Variants in ARL8A observed in about 807,000 individuals in gnomAD.
ARL8A encodes the protein ADP-ribosylation factor-like protein 8A.
In ARL8A, 10 loss-of-function variants were observed where a neutral mutation model predicts 31.2. The ratio of observed to expected loss-of-function variants is 0.32; its 90% CI spans 0.20 to 0.54. The LOEUF (loss-of-function observed/expected upper bound fraction) is 0.54, where lower values mean the gene tolerates loss of function less well. ARL8A is among the 20% of genes least tolerant of loss of function. ARL8A has a pLI of 0.93. For synonymous variants in ARL8A, 70 were observed against 86.9 expected (o/e 0.81, Z 1.08); for missense variants, 129 against 242.8 (o/e 0.53, Z 3.12).
intron 3 of ARL8A, among the ~76,000 whole-genome samples, chr1:202,136,067 TG>T (rs1484464306): frequency 1.3e-5 from 2 of 152,124 alleles, no homozygotes; most frequent in African/African-American, 4.8e-5. Context: ...TGGAAAAGCG[TG>T]GGCCCTTTGA....
rs978147308 is a variant in ARL8A, at chr1:202,135,916, C to T, written c.279-116G>A. 6.3e-6 allele frequency: 6 copies of T among 953,006 alleles called. No homozygotes were observed. Among genetic ancestry groups the T allele is most frequent in the Admixed American group, 4.0e-5 (2 of 50,224 alleles). 59.0% of individuals were successfully genotyped at this position (953,006 alleles called of 1,614,324 possible). The stretch of plus-strand genomic sequence containing the variant: ...AGCATCTGTTGCAGCTTGGTCACCT[C>T]GGGATCCATGGGCTACCTGGCCTGG... On this transcript the variant is annotated intron_variant, in intron 3 of 6. Coordinates refer to ENST00000272217, the MANE Select transcript of ARL8A (RefSeq NM_138795.4). The surrounding 1 kb of genome is among the most constrained non-coding windows in gnomAD (Gnocchi z 5.3).
Position 202,138,328 on chromosome 1 carries a change from A to ACAC in ARL8A, c.204+39_204+40insGTG. The ACAC allele has an allele frequency of 1.4e-6, 2 of 1,464,172 alleles. No homozygotes were observed. The highest frequency in any genetic ancestry group is 1.7e-5 in the Admixed American group (1 of 57,964). The allele number at this position is 1,464,172 out of a possible 1,614,324, so 90.7% of individuals were successfully genotyped here. ...ACACACACACACACACACACACACA[A>ACAC]AAACAGTCCTCTGCACCCCCCAAGC... On this transcript the variant is annotated intron_variant, in intron 2 of 6. Transcript: ENST00000272217. This position sits in a 1 kb window ranked among gnomAD's most constrained non-coding sequence, Gnocchi z 4.4.
chr1:202,139,142 T>C (rs1655095351), intron 1 of ARL8A, among the ~76,000 whole-genome samples: 1 of 152,170 alleles, frequency 6.6e-6, no homozygotes, highest in South Asian at 2.1e-4. Context: ...CAAAATCCAT[T>C]CTGTATTGTC....
chr1:202,141,177 A>T (rs1360506276), intron 1 of ARL8A, among the ~76,000 whole-genome samples: 1 of 152,154 alleles, frequency 6.6e-6, no homozygotes, highest in Non-Finnish European at 1.5e-5. Context: ...CTAAGGTGGA[A>T]TCAGATTATG....
rs1654950525 is a variant in ARL8A, at chr1:202,134,495, A to G, written c.533T>C (p.Ile178Thr). The change falls in exon 7 of 7, where the codon ATT becomes ACT. Residue 178 changes from isoleucine (I) to threonine (T), a missense_variant. Coordinates refer to ENST00000272217, the MANE Select transcript of ARL8A (RefSeq NM_138795.4). The surrounding 1 kb of genome is among the most constrained non-coding windows in gnomAD (Gnocchi z 4.2). ...DNIDITLQWL[I>T]QHSKSRRS ...GCTTCTCCGTGACTTCGAGTGTTGA[A>G]TAAGCCACTGTAGGGTGATGTCTGA... The G allele has an allele frequency of 1.9e-6, 3 of 1,613,548 alleles. No homozygotes were observed. The highest frequency in any genetic ancestry group is 2.5e-6 in the Non-Finnish European group (3 of 1,179,518).
In ARL8A at chr1:202,138,694, G is replaced by C. The variant is rs546815969; in HGVS notation, c.124-246C>G. Among the ~76,000 whole-genome samples the C allele has an allele frequency of 6.6e-6, 1 of 152,290 alleles. No homozygotes were observed. Among genetic ancestry groups the C allele is most frequent in the South Asian group, 2.1e-4 (1 of 4,824 alleles). ...CAGACAGTCTCAATCTCTTTGCCTA[G>C]ACTAGGGGAAAATTCTTCCTCAAGT... is the stretch of plus-strand genomic sequence containing the variant. On this transcript the variant is annotated intron_variant, in intron 1 of 6. Coordinates refer to ENST00000272217, the MANE Select transcript of ARL8A (RefSeq NM_138795.4). The surrounding 1 kb of genome is among the most constrained non-coding windows in gnomAD (Gnocchi z 4.4).
chr1:202,143,302 T>C (rs939653115), intron 1 of ARL8A, among the ~76,000 whole-genome samples: 14 of 152,172 alleles, frequency 9.2e-5, no homozygotes, highest in African/African-American at 3.4e-4. Flanking sequence ...TCTAGGACGC[T>C]GAGAACTGTC....
chr1:202,136,568 C>T (rs965626031), intron 3 of ARL8A, among the ~76,000 whole-genome samples: 1 of 151,696 alleles, frequency 6.6e-6, no homozygotes, highest in Non-Finnish European at 1.5e-5. Flanking sequence ...CATGAGCCAC[C>T]GCATCCAGCC....
chr1:202,139,873 C>A (rs1010378762), intron 1 of ARL8A, among the ~76,000 whole-genome samples: 1 of 151,876 alleles, frequency 6.6e-6, no homozygotes, highest in African/African-American at 2.4e-5. Context: ...GTCTTGAACT[C>A]CTGACCTCAA....
At position 202,138,318 on chromosome 1, in the gene ARL8A, C is replaced by T; in HGVS notation, c.204+50G>A. 6.5e-7 allele frequency: 1 copy of T among 1,538,772 alleles called. No individual in the cohort carries two copies. Among genetic ancestry groups the T allele is most frequent in the Non-Finnish European group, 9.0e-7 (1 of 1,112,992 alleles). Reference sequence around the variant, plus strand: ...CAACACACACACACACACACACACACACACACACAAAAACAGTCCTCTGCA... The same window carrying T: ...CAACACACACACACACACACACACATACACACACAAAAACAGTCCTCTGCA... On this transcript the variant is annotated intron_variant, in intron 2 of 6. Coordinates refer to ENST00000272217, the MANE Select transcript of ARL8A (RefSeq NM_138795.4). This position sits in a 1 kb window ranked among gnomAD's most constrained non-coding sequence, Gnocchi z 4.4.
intron 3 of ARL8A, among the ~76,000 whole-genome samples, chr1:202,136,917 C>G (rs969899402): frequency 6.6e-6 from 1 of 151,698 alleles, no homozygotes; most frequent in Non-Finnish European, 1.5e-5. Context: ...TGCAGTGATG[C>G]GATCTCGGCT....
At chr1:202,139,604 A>G (rs1385367335) in intron 1 of ARL8A, among the ~76,000 whole-genome samples, 2 of 143,062 alleles carry the variant, frequency 1.4e-5, no homozygotes, top group Non-Finnish European at 3.0e-5. Context: ...CTCATTCAAC[A>G]TTGAACCTGA....
intron 3 of ARL8A, among the ~76,000 whole-genome samples, chr1:202,137,007 A>G (rs1235736671): frequency 6.6e-6 from 1 of 151,918 alleles, no homozygotes; most frequent in East Asian, 1.9e-4. Context: ...GGCGCCTGCC[A>G]CCACGCCCAG....
At chr1:202,136,764 G>C (rs551929877) in intron 3 of ARL8A, among the ~76,000 whole-genome samples, 1 of 152,274 alleles carries the variant, frequency 6.6e-6, no homozygotes, top group South Asian at 2.1e-4. Flanking sequence ...AGATAGGGTT[G>C]CACCATGTTA....
Position 202,135,697 on chromosome 1 carries a change from G to C in ARL8A, c.372+10C>G. 6.2e-7 allele frequency: 1 copy of C among 1,612,490 alleles called. No homozygotes were observed. Among genetic ancestry groups the C allele is most frequent in the Non-Finnish European group, 8.5e-7 (1 of 1,178,548 alleles). ...CTCCCTCCCCATCCCGCTCCCTCAG[G>C]TCTGCTGACCGGGATGCCCTGCAGC... On this transcript the variant is annotated intron_variant, in intron 4 of 6. Coordinates refer to ENST00000272217, the MANE Select transcript of ARL8A (RefSeq NM_138795.4). The surrounding 1 kb of genome is among the most constrained non-coding windows in gnomAD (Gnocchi z 5.3).
At chr1:202,143,674 G>C (rs1655223421) in intron 1 of ARL8A, among the ~76,000 whole-genome samples, 1 of 152,202 alleles carries the variant, frequency 6.6e-6, no homozygotes, top group Non-Finnish European at 1.5e-5. Flanking sequence ...ACCCACTTCA[G>C]TGTTGACGAC....
At chr1:202,137,886 G>C in intron 3 of ARL8A, 79 bp downstream of exon 3, 1 of 1,462,218 alleles carries the variant, frequency 6.8e-7, no homozygotes, top group South Asian at 1.2e-5. Context: ...AAAACCCTGC[G>C]CCTCTGAGGT....
rs1436849480 is a variant in ARL8A, at chr1:202,138,708, T to A, written c.124-260A>T. On this transcript the variant is annotated intron_variant, in intron 1 of 6. Transcript: ENST00000272217. The surrounding 1 kb of genome is among the most constrained non-coding windows in gnomAD (Gnocchi z 4.4). ...CTCTTTGCCTAGACTAGGGGAAAAT[T>A]CTTCCTCAAGTCTAACCTACATCTC... is the stretch of plus-strand genomic sequence containing the variant. Among the ~76,000 whole-genome samples the A allele has an allele frequency of 1.3e-5, 2 of 152,148 alleles. No individual in the cohort carries two copies. Among genetic ancestry groups the A allele is most frequent in the Non-Finnish European group, 2.9e-5 (2 of 68,020 alleles).
Position 202,138,557 on chromosome 1 carries a change from T to A in ARL8A, c.124-109A>T. 1 of 1,009,342 alleles carries A rather than the reference T, an allele frequency of 9.9e-7. No individual in the cohort carries two copies. Among genetic ancestry groups the A allele is most frequent in the South Asian group, 1.4e-5 (1 of 71,686 alleles). 62.5% of individuals were successfully genotyped at this position (1,009,342 alleles called of 1,614,324 possible). On this transcript the variant is annotated intron_variant, in intron 1 of 6. Transcript: ENST00000272217. This position sits in a 1 kb window ranked among gnomAD's most constrained non-coding sequence, Gnocchi z 4.4. The stretch of plus-strand genomic sequence containing the variant: ...AGGCCAGGCCAGAGCTTCCTAGACT[T>A]CCCACTGTGGGGTACTCTTGCACAT...
Sources: allele counts gnomAD v4.1 joint callset (sites outside exome capture counted in the v4.1 genomes callset), GRCh38; gene constraint gnomAD v4.1.1; non-coding constraint Gnocchi (gnomAD v3.1); transcripts MANE v1.5; gene names NCBI Gene and HGNC (gene_info 2026-07-23, HGNC 2026-07-21).